MTUS2: variants seen among roughly 807,000 people sequenced by gnomAD.
MTUS2 encodes microtubule associated scaffold protein 2.
MTUS2 carries 40 observed loss-of-function variants against 114.1 expected under a neutral mutation model. That is an observed-to-expected ratio of 0.35 (90% CI 0.27 to 0.46). The LOEUF (loss-of-function observed/expected upper bound fraction) is 0.46, where lower values mean the gene tolerates loss of function less well. MTUS2 is among the 20% of genes least tolerant of loss of function. The pLI, the probability that MTUS2 is intolerant of heterozygous loss-of-function variation, is 1.00. For missense variants in MTUS2, 1,679 were observed against 1,705.4 expected, an observed-to-expected ratio of 0.98 and a Z score of 0.27; for synonymous variants, 688 against 672.0, an observed-to-expected ratio of 1.02 and a Z score of -0.37.
In MTUS2 at chr13:29,026,577, A is replaced by G; in HGVS notation, c.1879A>G (p.Thr627Ala). Residue 627 changes from threonine to alanine, a missense_variant, in exon 3 of 16, where the codon ACA (threonine) becomes GCA (alanine). Transcript: ENST00000612955. ...TCAGGTTGAAAAAACAGAGGAGAGG[A>G]CAGAAACTAAGCCCATCATTATGCC... is the stretch of plus-strand genomic sequence containing the variant. ...NYQVEKTEER[T>A]ETKPIIMPKP... 6.2e-7 allele frequency: 1 copy of G among 1,613,900 alleles called. No individual in the cohort carries two copies. Among genetic ancestry groups the G allele is most frequent in the South Asian group, 1.1e-5 (1 of 91,074 alleles).
At chr13:28,900,685 G>T (rs1325249238) in intron 2 of MTUS2, among the ~76,000 whole-genome samples, 10 of 152,142 alleles carry the variant, frequency 6.6e-5, no homozygotes, top group Non-Finnish European at 1.5e-4. Context: ...GGACATCTAG[G>T]TGGTTTCTCG....
intron 6 of MTUS2, among the ~76,000 whole-genome samples, chr13:29,289,328 TG>T (rs1379379862): frequency 4.6e-5 from 7 of 152,212 alleles, no homozygotes; most frequent in African/African-American, 1.7e-4. Context: ...CCACTGGACT[TG>T]GGACAAATCA....
intron 5 of MTUS2, among the ~76,000 whole-genome samples, chr13:29,178,556 C>T (rs1382506456): frequency 6.6e-6 from 1 of 152,008 alleles, no homozygotes; most frequent in Non-Finnish European, 1.5e-5. Flanking sequence ...CATCCCTGGC[C>T]AACACCCTCA....
At position 29,399,693 on chromosome 13, in the gene MTUS2, A is replaced by G. The variant is rs544204644; in HGVS notation, c.3117+40220A>G. 2.6e-5 allele frequency among the ~76,000 whole-genome samples: 4 copies of G among 152,324 alleles called. No homozygotes were observed. In the East Asian group the frequency reaches 5.8e-4, roughly 22 times the overall value. Reference sequence around the variant, plus strand: ...TCCAAGGATAGAATGAAGTGGGCCAACGTATGAAAGTTCCAGAAAAAAAGA... The same window carrying G: ...TCCAAGGATAGAATGAAGTGGGCCAGCGTATGAAAGTTCCAGAAAAAAAGA... On this transcript the variant is annotated intron_variant, in intron 8 of 15. Transcript: ENST00000612955.
intron 2 of MTUS2, among the ~76,000 whole-genome samples, chr13:28,973,927 G>A (rs770212793): frequency 6.6e-6 from 1 of 152,142 alleles, no homozygotes; most frequent in Non-Finnish European, 1.5e-5. Flanking sequence ...TAGGGCAGAG[G>A]GTGAAAATGT....
At chr13:29,159,911 A>G (rs540684124) in intron 5 of MTUS2, among the ~76,000 whole-genome samples, 1 of 152,260 alleles carries the variant, frequency 6.6e-6, no homozygotes, top group Admixed American at 6.5e-5. Flanking sequence ...GAAATGGTAC[A>G]GCCACTCTGG....
chr13:29,196,098 A>G lies in MTUS2; in HGVS notation c.2645-85606A>G, dbSNP rs117750628. On this transcript the variant is annotated intron_variant, in intron 5 of 15. Coordinates refer to ENST00000612955, the MANE Select transcript of MTUS2 (RefSeq NM_001033602.4). ...ATGACACAGGACTAAACTACTGCAG[A>G]TTTTTTTTTTTTTTTTGAGATGGAG... Among the ~76,000 whole-genome samples, 1,383 of 143,876 alleles carry G rather than the reference A, an allele frequency of 9.6e-3. 11 individuals are homozygous for G. Among genetic ancestry groups the G allele is most frequent in the African/African-American group, 0.026 (1,035 of 39,322 alleles). 94.4% of individuals were successfully genotyped at this position (143,876 alleles called of 152,430 possible).
intron 8 of MTUS2, among the ~76,000 whole-genome samples, chr13:29,424,187 T>C (rs1460320440): frequency 6.6e-6 from 1 of 152,132 alleles, no homozygotes; most frequent in Non-Finnish European, 1.5e-5. Context: ...TTATTGTATA[T>C]TTCAAAATAG....
chr13:29,155,059 C>A (rs1247393974), intron 5 of MTUS2, among the ~76,000 whole-genome samples: 2 of 152,138 alleles, frequency 1.3e-5, no homozygotes, highest in Non-Finnish European at 2.9e-5. Context: ...GAAACCCAGA[C>A]CTAGTTTTTA....
chr13:29,212,830 A>G (rs1451251921), intron 5 of MTUS2, among the ~76,000 whole-genome samples: 1 of 152,230 alleles, frequency 6.6e-6, no homozygotes, highest in African/African-American at 2.4e-5. Context: ...TCTGAATCCT[A>G]TACTTTAGGA....
intron 9 of MTUS2, among the ~76,000 whole-genome samples, chr13:29,472,909 C>A (rs1348086332): frequency 6.6e-6 from 1 of 152,140 alleles, no homozygotes; most frequent in African/African-American, 2.4e-5. Flanking sequence ...TTTAAATTTT[C>A]ATTTTCTTTG....
chr13:28,963,834 C>G (rs118155935), intron 2 of MTUS2, among the ~76,000 whole-genome samples: 4,858 of 152,250 alleles, frequency 0.032, 128 homozygotes, highest in Non-Finnish European at 0.05. Flanking sequence ...CTTATCCTTT[C>G]ACGACCTTGG....
intron 5 of MTUS2, among the ~76,000 whole-genome samples, chr13:29,212,596 A>G (rs142789543): frequency 1.9e-3 from 297 of 152,318 alleles, no homozygotes; most frequent in African/African-American, 6.9e-3. Flanking sequence ...GGTTCTCACA[A>G]TCTTCTCCTT....
intron 9 of MTUS2, among the ~76,000 whole-genome samples, chr13:29,451,101 C>T (rs534993498): frequency 3.3e-5 from 5 of 152,250 alleles, no homozygotes; most frequent in East Asian, 3.9e-4. Flanking sequence ...ACCTTACTGA[C>T]GTTACAGAAT....
At chr13:29,398,880 C>G (rs970170291) in intron 8 of MTUS2, among the ~76,000 whole-genome samples, 1 of 152,060 alleles carries the variant, frequency 6.6e-6, no homozygotes, top group African/African-American at 2.4e-5. Flanking sequence ...AAATAAGGAT[C>G]TATAATAATG....
chr13:28,926,016 C>T (rs1192023590), intron 2 of MTUS2, among the ~76,000 whole-genome samples: 5 of 152,184 alleles, frequency 3.3e-5, no homozygotes, highest in South Asian at 2.1e-4. Context: ...CTTGAGGCAA[C>T]GTTACCCTGT....
intron 2 of MTUS2, among the ~76,000 whole-genome samples, chr13:28,878,504 G>A (rs1341598966): frequency 6.6e-6 from 1 of 151,822 alleles, no homozygotes; most frequent in Non-Finnish European, 1.5e-5. Flanking sequence ...GTACTTATAG[G>A]CCCTAGTATG....
chr13:29,276,217 G>A lies in MTUS2; in HGVS notation c.2645-5487G>A, dbSNP rs116451598. Reference sequence around the variant, plus strand: ...TTGCATTCCCCGAGGATTTGATGCTGAAAGAGCATTTTGTCCTAACAGTTT... The same window carrying A: ...TTGCATTCCCCGAGGATTTGATGCTAAAAGAGCATTTTGTCCTAACAGTTT... On this transcript the variant is annotated intron_variant, in intron 5 of 15. Transcript: ENST00000612955. Among the ~76,000 whole-genome samples the A allele has an allele frequency of 5.2e-3, 789 of 152,300 alleles. 11 individuals carry two copies. The highest frequency in any genetic ancestry group is 0.018 in the African/African-American group (734 of 41,558).
At chr13:28,859,325 G>A (rs1020749605) in intron 2 of MTUS2, among the ~76,000 whole-genome samples, 8 of 152,172 alleles carry the variant, frequency 5.3e-5, no homozygotes, top group African/African-American at 1.9e-4. Flanking sequence ...TCCCCATAGT[G>A]GGCAGGCATG....
Sources: gnomAD v4.1 joint callset for allele counts (sites outside exome capture counted in the v4.1 genomes callset) on GRCh38, gnomAD v4.1.1 for gene constraint, MANE v1.5 for transcripts, NCBI Gene and HGNC (gene_info 2026-07-23, HGNC 2026-07-21) for gene names.